The following ABLIM2 variants were observed in gnomAD, a reference collection of about 807,000 sequenced individuals.
ABLIM2 encodes actin binding LIM protein family member 2, also known as actin-binding LIM protein 2.
In ABLIM2, 53 loss-of-function variants were observed where a neutral mutation model predicts 97.7. That is an observed-to-expected ratio of 0.54 (90% CI 0.44 to 0.68). The LOEUF (loss-of-function observed/expected upper bound fraction) is 0.68, where lower values mean the gene tolerates loss of function less well. Ranked by LOEUF, ABLIM2 falls within the 30% of genes least tolerant of loss-of-function variation. The pLI is 0.00. For missense variants in ABLIM2, 835 were observed against 867.2 expected, an observed-to-expected ratio of 0.96 and a Z score of 0.47; for synonymous variants, 361 against 345.8, an observed-to-expected ratio of 1.04 and a Z score of -0.49.
intron 6 of ABLIM2, among the ~76,000 whole-genome samples, chr4:8,066,076 CG>C (rs1807020502): frequency 6.7e-6 from 1 of 149,084 alleles, no homozygotes; most frequent in South Asian, 2.1e-4. Context: ...CTGAGGCGGG[CG>C]GATCATGAGG....
intron 12 of ABLIM2, among the ~76,000 whole-genome samples, chr4:8,025,368 C>G (rs28567846): frequency 0.19 from 28,982 of 152,058 alleles, 2,893 homozygotes; most frequent in East Asian, 0.3. Context: ...CCGGGAGATG[C>G]CCTTGGAGGG....
chr4:8,090,279 G>A lies in ABLIM2; in HGVS notation c.339-1995C>T, dbSNP rs565051915. Among the ~76,000 whole-genome samples, 13 of 152,350 alleles carry A rather than the reference G, an allele frequency of 8.5e-5. No homozygotes were observed. In the East Asian group the frequency reaches 1.5e-3, roughly 18 times the overall value. ...TGGGAGCCCCTCCCCATCCCTGGAT[G>A]TGCTTGGAGCGAATCTCTGGCTGTT... is the stretch of plus-strand genomic sequence containing the variant. On this transcript the variant is annotated intron_variant, in intron 3 of 20. Coordinates refer to ENST00000447017, the MANE Select transcript of ABLIM2 (RefSeq NM_001130083.2).
chr4:7,970,509 G>T lies in ABLIM2; in HGVS notation c.1825-3406C>A, dbSNP rs184051380. Among the ~76,000 whole-genome samples the T allele has an allele frequency of 6.6e-6, 1 of 151,818 alleles. No individual in the cohort carries two copies. Among genetic ancestry groups the T allele is most frequent in the Non-Finnish European group, 1.5e-5 (1 of 67,858 alleles). On this transcript the variant is annotated intron_variant, in intron 20 of 20. Coordinates refer to ENST00000447017, the MANE Select transcript of ABLIM2 (RefSeq NM_001130083.2). The surrounding 1 kb of genome is among the most constrained non-coding windows in gnomAD (Gnocchi z 5.3). Reference sequence around the variant, plus strand: ...AGCGGATGGTGGGCAGGCGTGCCCCGCATGCTGGGGAAGGAGAGAAGGGCA... The same window carrying T: ...AGCGGATGGTGGGCAGGCGTGCCCCTCATGCTGGGGAAGGAGAGAAGGGCA...
At position 8,019,641 on chromosome 4, in the gene ABLIM2, T is replaced by A; in HGVS notation, c.1400A>T (p.Lys467Ile). The A allele has an allele frequency of 6.2e-7, 1 of 1,612,382 alleles. No homozygotes were observed. Among genetic ancestry groups the A allele is most frequent in the Non-Finnish European group, 8.5e-7 (1 of 1,179,332 alleles). Residue 467 changes from lysine to isoleucine, a missense_variant, in exon 14 of 21, where the codon AAA becomes ATA. Physicochemically the swap from Lys to Ile is moderately radical, Grantham distance 102. Coordinates refer to ENST00000447017, the MANE Select transcript of ABLIM2 (RefSeq NM_001130083.2). This position sits in a 1 kb window ranked among gnomAD's most constrained non-coding sequence, Gnocchi z 4.3. Reference protein sequence around the residue: ...DTGVKDNIYRKPPIYRQHAAR... With the variant: ...DTGVKDNIYRIPPIYRQHAAR... Reference sequence around the variant, plus strand: ...ACCATGCTGTCTGTAGATAGGGGGTTTCCTATAGATGTTATCTTTTACGCC... The same window carrying A: ...ACCATGCTGTCTGTAGATAGGGGGTATCCTATAGATGTTATCTTTTACGCC...
At chr4:8,047,311 G>A (rs897755623) in intron 8 of ABLIM2, among the ~76,000 whole-genome samples, 3 of 152,068 alleles carry the variant, frequency 2.0e-5, no homozygotes, top group East Asian at 1.9e-4. Flanking sequence ...TCCATGCCCC[G>A]TGTCTCCTTA....
chr4:8,043,198 C>T lies in ABLIM2; in HGVS notation c.900+1966G>A, dbSNP rs1006796977. 1.6e-4 allele frequency among the ~76,000 whole-genome samples: 24 copies of T among 152,110 alleles called. No individual in the cohort carries two copies. Among genetic ancestry groups the T allele is most frequent in the Non-Finnish European group, 2.9e-4 (20 of 68,024 alleles). On this transcript the variant is annotated intron_variant, in intron 9 of 20. Transcript: ENST00000447017. The surrounding 1 kb of genome is among the most constrained non-coding windows in gnomAD (Gnocchi z 4.8). Reference sequence around the variant, plus strand: ...AGTCCTCCCTGGGTCTTTGGACCTGCGTCCCTGAAGGCTCCTGTGTCACCT... The same window carrying T: ...AGTCCTCCCTGGGTCTTTGGACCTGTGTCCCTGAAGGCTCCTGTGTCACCT...
intron 1 of ABLIM2, 83 bp from the exon 2 acceptor site, chr4:8,106,720 C>G (rs1837609451): frequency 6.7e-7 from 1 of 1,484,012 alleles, no homozygotes; most frequent in South Asian, 1.4e-5. Flanking sequence ...TGAGGACGCA[C>G]AGCTGACCCT....
chr4:8,077,617 G>A lies in ABLIM2; in HGVS notation c.675+11C>T, dbSNP rs369839097. 1,041 of 1,598,336 alleles carry A rather than the reference G, an allele frequency of 6.5e-4. 9 individuals carry two copies. In the South Asian group the frequency reaches 6.9e-3, roughly 11 times the overall value. On this transcript the variant is annotated intron_variant, in intron 6 of 20. Coordinates refer to ENST00000447017, the MANE Select transcript of ABLIM2 (RefSeq NM_001130083.2). ...CTCAGAGCGGGCAGGGGCCCGGCCC[G>A]CCGCGCTTACCTCCAGCACGCGCCC...
chr4:8,144,579 C>A (rs1465654577), intron 1 of ABLIM2, among the ~76,000 whole-genome samples: 1 of 152,214 alleles, frequency 6.6e-6, no homozygotes, highest in African/African-American at 2.4e-5. Flanking sequence ...TTCAGCTGAG[C>A]ACAGGGTCTG....
rs550628457 is a variant in ABLIM2, at chr4:8,058,786, G to A, written c.763+2181C>T. Among the ~76,000 whole-genome samples, 6 of 152,248 alleles carry A rather than the reference G, an allele frequency of 3.9e-5. No individual in the cohort carries two copies. The highest frequency in any genetic ancestry group is 3.9e-4 in the East Asian group (2 of 5,166). On this transcript the variant is annotated intron_variant, in intron 7 of 20. Transcript: ENST00000447017. The surrounding 1 kb of genome is among the most constrained non-coding windows in gnomAD (Gnocchi z 4.2). ...TAGGCCTGCCTGGCTCAGTTTCAGC[G>A]AGAATACTGCAAAATCAGTCTGGCA...
intron 1 of ABLIM2, among the ~76,000 whole-genome samples, chr4:8,141,206 C>A (rs1351770727): frequency 6.6e-6 from 1 of 151,924 alleles, no homozygotes; most frequent in Non-Finnish European, 1.5e-5. Flanking sequence ...CCCCCCGGAG[C>A]CCTAAGTATT....
intron 2 of ABLIM2, among the ~76,000 whole-genome samples, chr4:8,101,609 C>G (rs765661891): frequency 2.6e-5 from 4 of 152,204 alleles, no homozygotes; most frequent in Admixed American, 2.6e-4. Flanking sequence ...GCTCTCCTCC[C>G]GGACACACGT....
In ABLIM2 at chr4:8,069,450, C is replaced by T. The variant is rs192161605; in HGVS notation, c.675+8178G>A. On this transcript the variant is annotated intron_variant, in intron 6 of 20. Transcript: ENST00000447017. The surrounding 1 kb of genome is among the most constrained non-coding windows in gnomAD (Gnocchi z 4.2). ...AGCACATTGCCCGGGGACCAGGGGA[C>T]GCAAGGGAGGACACGACAGGCCAGC... Among the ~76,000 whole-genome samples, 219 of 152,232 alleles carry T rather than the reference C, an allele frequency of 1.4e-3. No individual in the cohort carries two copies. The highest frequency in any genetic ancestry group is 4.8e-3 in the African/African-American group (200 of 41,484).
At chr4:8,000,383 T>A (rs1209207798) in intron 16 of ABLIM2, among the ~76,000 whole-genome samples, 2 of 152,114 alleles carry the variant, frequency 1.3e-5, no homozygotes, top group Non-Finnish European at 2.9e-5. Context: ...CAGGACTGGA[T>A]CATCCCTGTT....
rs1711780199 is a variant in ABLIM2, at chr4:8,149,334, G to A, written c.10+9346C>T. Among the ~76,000 whole-genome samples, 1 of 152,106 alleles carries A rather than the reference G, an allele frequency of 6.6e-6. No homozygotes were observed. The highest frequency in any genetic ancestry group is 6.5e-5 in the Admixed American group (1 of 15,280). ...CCGCATGAGGTCACATAGTCACAGG[G>A]CCTGGGATTAGGACATGGGCACCTT... On this transcript the variant is annotated intron_variant, in intron 1 of 20. Transcript: ENST00000447017. This position sits in a 1 kb window ranked among gnomAD's most constrained non-coding sequence, Gnocchi z 6.4.
chr4:8,107,020 G>C (rs1015915069), intron 1 of ABLIM2, among the ~76,000 whole-genome samples: 1 of 152,200 alleles, frequency 6.6e-6, no homozygotes, highest in Non-Finnish European at 1.5e-5. Context: ...CTTACCCTCA[G>C]GGGTCTCAGG....
At chr4:7,984,965 A>G in intron 17 of ABLIM2, 72 bp from the exon 18 acceptor site, 2 of 1,522,602 alleles carry the variant, frequency 1.3e-6, no homozygotes, top group South Asian at 1.2e-5. Context: ...AGGGACCAGG[A>G]GATGTGGCCC....
intron 2 of ABLIM2, among the ~76,000 whole-genome samples, chr4:8,100,666 A>T (rs1247493321): frequency 6.7e-6 from 1 of 150,056 alleles, no homozygotes; most frequent in Admixed American, 6.7e-5. Context: ...GAATCACTTG[A>T]ACCTGGAAGG....
chr4:8,008,377 T>C (rs543738989), intron 15 of ABLIM2, among the ~76,000 whole-genome samples, 177 bp from the exon 16 acceptor site: 48 of 152,184 alleles, frequency 3.2e-4, no homozygotes, highest in Non-Finnish European at 6.9e-4. Context: ...TAGTGAGACC[T>C]ATCCAGACGC....
Sources: allele counts gnomAD v4.1 joint callset (sites outside exome capture counted in the v4.1 genomes callset), GRCh38; gene constraint gnomAD v4.1.1; non-coding constraint Gnocchi (gnomAD v3.1); transcripts MANE v1.5; gene names NCBI Gene and HGNC (gene_info 2026-07-23, HGNC 2026-07-21).